Variants in IGDCC4 observed in about 807,000 individuals in gnomAD.
The protein encoded by IGDCC4 is immunoglobulin superfamily DCC subclass member 4, also known as likely ortholog of mouse neighbor of Punc E11.
Under a neutral mutation model 116.6 loss-of-function variants are expected in IGDCC4, and 72 were observed. The ratio of observed to expected loss-of-function variants is 0.62; its 90% confidence interval spans 0.51 to 0.75. The LOEUF is 0.75. Among genes scored for constraint, IGDCC4 ranks in the 30% least tolerant of loss-of-function variants. The probability of loss-of-function intolerance (pLI) is 0.00; values close to 1 mark genes in which losing one functional copy is unlikely to be tolerated. For synonymous variants in IGDCC4, 709 were observed against 719.9 expected, an observed-to-expected ratio of 0.98 and a Z score of 0.24; for missense variants, 1,501 against 1,662.4, an observed-to-expected ratio of 0.90 and a Z score of 1.69.
In IGDCC4 at chr15:65,386,031, C is replaced by A; in HGVS notation, c.2980G>T (p.Ala994Ser). 1.3e-6 allele frequency: 2 copies of A among 1,541,204 alleles called. No homozygotes were observed. The highest frequency in any genetic ancestry group is 1.2e-5 in the South Asian group (1 of 82,188). ...RESLPGLSST[A>S]TPGNPALYSR... Reference sequence around the variant, plus strand: ...TACAGCGCGGGATTCCCGGGGGTGGCGGTGGAGGACAGGCCTGGGAGGGAT... The same window carrying A: ...TACAGCGCGGGATTCCCGGGGGTGGAGGTGGAGGACAGGCCTGGGAGGGAT... The change falls in exon 18 of 20, where the codon GCC becomes TCC. Residue 994 changes from alanine to serine, a missense_variant. Coordinates refer to ENST00000352385, the MANE Select transcript of IGDCC4 (RefSeq NM_020962.3).
chr15:65,418,920 A>T (rs2063166872), intron 1 of IGDCC4, among the ~76,000 whole-genome samples: 1 of 152,166 alleles, frequency 6.6e-6, no homozygotes, highest in African/African-American at 2.4e-5. Context: ...GGTATAGAGG[A>T]GTGCAAAGAG....
chr15:65,394,292 A>G (rs2062896624), intron 9 of IGDCC4, 119 bp downstream of exon 9: 3 of 1,492,986 alleles, frequency 2.0e-6, no homozygotes, highest in South Asian at 1.3e-5. Context: ...CCCTTCCCCA[A>G]CCCCTACTCT....
chr15:65,402,897 A>G (rs2063003892), intron 3 of IGDCC4, among the ~76,000 whole-genome samples: 1 of 152,008 alleles, frequency 6.6e-6, no homozygotes, highest in Non-Finnish European at 1.5e-5. Context: ...CTAAGACACC[A>G]TTTTCACCTA....
At chr15:65,412,546 G>A (rs962579953) in intron 1 of IGDCC4, among the ~76,000 whole-genome samples, 7 of 130,666 alleles carry the variant, frequency 5.4e-5, no homozygotes, top group Admixed American at 4.7e-4. Flanking sequence ...AAAGCACAGT[G>A]CCTGACACAG....
At chr15:65,394,579 GCTC>G in intron 8 of IGDCC4, 31 bp from the exon 9 acceptor site, 1 of 1,559,182 alleles carries the variant, frequency 6.4e-7, no homozygotes, top group Non-Finnish European at 8.7e-7. Context: ...CATGAGCTCT[GCTC>G]CACCGACGTG....
At chr15:65,389,178 C>A in intron 14 of IGDCC4, 106 bp downstream of exon 14, 1 of 1,494,838 alleles carries the variant, frequency 6.7e-7, no homozygotes, top group Non-Finnish European at 9.0e-7. Flanking sequence ...TCTTCTGCCC[C>A]CAGCTCTGCC....
Position 65,396,907 on chromosome 15 carries a change from G to A in IGDCC4, c.924C>T (p.Gly308=), listed in dbSNP as rs1377878113. ...GCTTGTTGGCGCGGCAGACATAGAC[G>A]CCGGAGTGCCAGGGCTGCGCGTTGG... ...LIANAQPWHS[G]VYVCRANKPR... Residue 308 remains glycine, a synonymous_variant, in exon 6 of 20, where the codon GGC becomes GGT. Transcript: ENST00000352385. 1 of 1,573,036 alleles carries A rather than the reference G, an allele frequency of 6.4e-7. No homozygotes were observed.
In IGDCC4 at chr15:65,396,324, G is replaced by T. The variant is rs778567803; in HGVS notation, c.998-161C>A. ...CCTTTCCAAACTACTCCGGCTCAGC[G>T]CAGACCTACCCTTTCTTCTCCCCAT... is the stretch of plus-strand genomic sequence containing the variant. On this transcript the variant is annotated intron_variant, in intron 6 of 19. Transcript: ENST00000352385. 18 of 799,248 alleles carry T rather than the reference G, an allele frequency of 2.3e-5. No homozygotes were observed. The African/African-American group carries it at 3.0e-4, about 13-fold the overall frequency. 49.5% of individuals were successfully genotyped at this position (799,248 alleles called of 1,614,324 possible). A position where few individuals can be genotyped will look rare whatever the true frequency, so the allele number is the denominator to read the frequency against.
At chr15:65,388,177 G>T (rs987893008) in intron 16 of IGDCC4, among the ~76,000 whole-genome samples, 12 of 151,672 alleles carry the variant, frequency 7.9e-5, no homozygotes, top group African/African-American at 2.7e-4. Context: ...CTGGGAGGCG[G>T]AGGTTGCAGT....
chr15:65,398,334 A>G (rs1567086023), intron 5 of IGDCC4, among the ~76,000 whole-genome samples: 1 of 149,984 alleles, frequency 6.7e-6, no homozygotes, highest in African/African-American at 2.5e-5. Flanking sequence ...AGGAGTTCGA[A>G]ACCAGACTGG....
chr15:65,386,532 G>C lies in IGDCC4; in HGVS notation c.2951+19C>G. 1 of 1,578,854 alleles carries C rather than the reference G, an allele frequency of 6.3e-7. No individual in the cohort carries two copies. ...TGGAAGTCTCCCTTCCCTGAAGTCA[G>C]ACTGGCTCCCCTGCTCACCTGTGGG... On this transcript the variant is annotated intron_variant, in intron 17 of 19. Transcript: ENST00000352385.
At chr15:65,404,304 C>T (rs2063019766) in intron 3 of IGDCC4, among the ~76,000 whole-genome samples, 1 of 152,198 alleles carries the variant, frequency 6.6e-6, no homozygotes, top group Non-Finnish European at 1.5e-5. Context: ...CCAACAGCTG[C>T]CTACATAAGT....
In IGDCC4 at chr15:65,383,873, C is replaced by T; in HGVS notation, c.*136G>A. The T allele has an allele frequency of 1.3e-6, 1 of 771,442 alleles. No individual in the cohort carries two copies. Among genetic ancestry groups the T allele is most frequent in the South Asian group, 2.4e-5 (1 of 42,474 alleles). The allele number at this position is 771,442 out of a possible 1,614,324, so 47.8% of individuals were successfully genotyped here. On this transcript the variant is annotated 3_prime_UTR_variant, in exon 20 of 20. Transcript: ENST00000352385. ...AATAATCCATGTTTTCCTCTCCCCT[C>T]AGCCAAAGCAACTTAGGAAGCTCCA...
At position 65,396,148 on chromosome 15, in the gene IGDCC4, G is replaced by C; in HGVS notation, c.1013C>G (p.Thr338Ser). ...ELRVLAAPAI[T>S]QAPEALSRTR... The stretch of plus-strand genomic sequence containing the variant: ...CCGCGACAGCGCCTCGGGCGCCTGA[G>C]TGATGGCGGGAGCCGCTAGGGGCGC... Residue 338 changes from threonine (T) to serine (S), a missense_variant, in exon 7 of 20, where the codon ACT (threonine) becomes AGT (serine). Thr to Ser is a moderately conservative substitution (Grantham distance 58). Transcript: ENST00000352385. The C allele has an allele frequency of 6.7e-7, 1 of 1,485,896 alleles. No homozygotes were observed. Among genetic ancestry groups the C allele is most frequent in the East Asian group, 2.7e-5 (1 of 36,692 alleles). The allele number at this position is 1,485,896 out of a possible 1,614,324, so 92.0% of individuals were successfully genotyped here. A position where few individuals can be genotyped will look rare whatever the true frequency, so the allele number is the denominator to read the frequency against.
chr15:65,405,116 A>G, intron 3 of IGDCC4, among the ~76,000 whole-genome samples: 1 of 128,586 alleles, frequency 7.8e-6, no homozygotes, highest in African/African-American at 3.1e-5. Context: ...AGTGTTCAAA[A>G]TATATTAGTT....
At chr15:65,387,160 G>A (rs998808590) in intron 16 of IGDCC4, among the ~76,000 whole-genome samples, 2 of 151,656 alleles carry the variant, frequency 1.3e-5, no homozygotes, top group African/African-American at 4.8e-5. Flanking sequence ...CCAAGCAGCT[G>A]TGACCACAGG....
rs142472543 is a variant in IGDCC4, at chr15:65,383,244, A to G, written c.*765T>C. 3,066 of 153,334 alleles carry G rather than the reference A, an allele frequency of 0.02. 46 individuals carry two copies. The highest frequency in any genetic ancestry group is 0.03 in the Non-Finnish European group (2,063 of 68,382). 9.5% of individuals were successfully genotyped at this position (153,334 alleles called of 1,614,324 possible). On this transcript the variant is annotated 3_prime_UTR_variant, in exon 20 of 20. Transcript: ENST00000352385. ...ACATAGTCTGGGAGAGGTGTGAGAGATAGCAGAGGAAGGAAAACAGGAGAG... is the reference window on the plus strand; with the variant it reads ...ACATAGTCTGGGAGAGGTGTGAGAGGTAGCAGAGGAAGGAAAACAGGAGAG...
At chr15:65,395,304 G>T in intron 7 of IGDCC4, 46 bp from the exon 8 acceptor site, 1 of 1,565,504 alleles carries the variant, frequency 6.4e-7, no homozygotes, top group Non-Finnish European at 8.7e-7. Flanking sequence ...CCACCCCCCC[G>T]TGCTGGCTAG....
intron 3 of IGDCC4, among the ~76,000 whole-genome samples, chr15:65,403,996 C>T (rs1567089157): frequency 6.6e-6 from 1 of 152,018 alleles, no homozygotes; most frequent in African/African-American, 2.4e-5. Flanking sequence ...CTCAACAGAG[C>T]AAATGGTGCT....
Sources: allele counts gnomAD v4.1 joint callset (sites outside exome capture counted in the v4.1 genomes callset), GRCh38; gene constraint gnomAD v4.1.1; transcripts MANE v1.5; gene names NCBI Gene and HGNC (gene_info 2026-07-23, HGNC 2026-07-21).